IL2RB: variants seen among roughly 807,000 people sequenced by gnomAD.
The protein encoded by IL2RB is interleukin 2 receptor subunit beta.
Under a neutral mutation model 44.2 loss-of-function variants are expected in IL2RB, and 17 were observed. That is an observed-to-expected ratio of 0.38 (90% CI 0.26 to 0.58). The LOEUF (loss-of-function observed/expected upper bound fraction) is 0.58, where lower values mean the gene tolerates loss of function less well. Ranked by LOEUF, IL2RB falls within the 20% of genes least tolerant of loss-of-function variation. The probability of loss-of-function intolerance (pLI) is 0.63; values close to 1 mark genes in which losing one functional copy is unlikely to be tolerated. For synonymous variants in IL2RB, 286 were observed against 297.9 expected, an observed-to-expected ratio of 0.96 and a Z score of 0.41; for missense variants, 624 against 685.5, an observed-to-expected ratio of 0.91 and a Z score of 1.00.
chr22:37,128,311 CTGGGACTCCTGGGG>C lies in IL2RB; in HGVS notation c.1427_1440del (p.Thr476ArgfsTer10). ...GGGGGTGGCTGAAAATCCACCAGGT[CTGGGACTCCTGGGG>C]TGGGAGGCCCCAGGGGCTGGGGGTC... On this transcript the variant is annotated frameshift_variant, in exon 10 of 10. Transcript: ENST00000216223. LOFTEE classifies it low-confidence loss of function (END_TRUNC). This position sits in a 1 kb window ranked among gnomAD's most constrained non-coding sequence, Gnocchi z 4.5. The C allele has an allele frequency of 6.7e-7, 1 of 1,502,942 alleles. No individual in the cohort carries two copies. The highest frequency in any genetic ancestry group is 8.9e-7 in the Non-Finnish European group (1 of 1,126,612). 93.1% of individuals were successfully genotyped at this position (1,502,942 alleles called of 1,614,324 possible).
rs564827504 is a variant in IL2RB, at chr22:37,167,600, C to G, written c.-34+7358G>C. Among the ~76,000 whole-genome samples the G allele has an allele frequency of 1.2e-4, 18 of 152,346 alleles. No individual in the cohort carries two copies. In the East Asian group the frequency reaches 3.1e-3, roughly 26 times the overall value. On this transcript the variant is annotated intron_variant, in intron 1 of 5. Coordinates refer to the IL2RB transcript ENST00000429622. ...TGCCTCGAGCCCCTGCCCACGTTCT[C>G]TCTGCCCCAGGCCTCAGCCTGCGGT...
chr22:37,135,563 C>T, intron 7 of IL2RB, 121 bp from the exon 8 acceptor site: 1 of 642,320 alleles, frequency 1.6e-6, no homozygotes, highest in Admixed American at 2.6e-5. Flanking sequence ...GTCTGGGGGG[C>T]TGGGGACAGG....
In IL2RB at chr22:37,164,017, C is replaced by T. The variant is rs568680635; in HGVS notation, c.-34+10941G>A. Among the ~76,000 whole-genome samples, 4 of 152,358 alleles carry T rather than the reference C, an allele frequency of 2.6e-5. 1 individual carries two copies. In the South Asian group the frequency reaches 8.3e-4, roughly 32 times the overall value. On this transcript the variant is annotated intron_variant, in intron 1 of 5. Transcript: ENST00000429622. ...GCACGAAGGTGCTTTGCTGTTCCCA[C>T]ACCATTTCTGTGGGTTGCACATGGG...
At chr22:37,142,888 G>T (rs1157577238) in intron 3 of IL2RB, 3 of 368,674 alleles carry the variant, frequency 8.1e-6, no homozygotes, top group Non-Finnish European at 5.2e-6. Flanking sequence ...CCAGAAGCCA[G>T]GGCCCGAACC....
In IL2RB at chr22:37,128,341, G is replaced by C; in HGVS notation, c.1411C>G (p.Pro471Ala). ...ERVPRDWDPQ[P>A]LGPPTPGVPD... The stretch of plus-strand genomic sequence containing the variant: ...ACTCCTGGGGTGGGAGGCCCCAGGG[G>C]CTGGGGGTCCCAGTCTCTGGGGACT... Residue 471 changes from proline to alanine, a missense_variant, in exon 10 of 10, where the codon CCC becomes GCC. By Grantham distance (27) the Pro-to-Ala change is conservative. This residue lies in a region of IL2RB where 291 missense variants were observed against 275.5 expected (regional missense o/e 1.06). Coordinates refer to ENST00000216223, the MANE Select transcript of IL2RB (RefSeq NM_000878.5). This position sits in a 1 kb window ranked among gnomAD's most constrained non-coding sequence, Gnocchi z 4.5. 1 of 1,504,306 alleles carries C rather than the reference G, an allele frequency of 6.6e-7. No individual in the cohort carries two copies. Among genetic ancestry groups the C allele is most frequent in the South Asian group, 1.4e-5 (1 of 72,990 alleles). 93.2% of individuals were successfully genotyped at this position (1,504,306 alleles called of 1,614,324 possible).
intron 6 of IL2RB, 40 bp from the exon 7 acceptor site, chr22:37,136,433 C>T: frequency 2.5e-6 from 4 of 1,574,620 alleles, no homozygotes; most frequent in Non-Finnish European, 3.4e-6. Flanking sequence ...ACCTCACCTC[C>T]CATGGCAGGG....
At chr22:37,173,060 G>A (rs1392478464) in intron 1 of IL2RB, among the ~76,000 whole-genome samples, 1 of 152,150 alleles carries the variant, frequency 6.6e-6, no homozygotes, top group Admixed American at 6.5e-5. Context: ...GCAAAACCTG[G>A]CTCCTTCCGG....
At chr22:37,161,208 A>C (rs2145736625) in intron 1 of IL2RB, among the ~76,000 whole-genome samples, 1 of 152,182 alleles carries the variant, frequency 6.6e-6, no homozygotes, top group East Asian at 1.9e-4. Flanking sequence ...TCTAACTTAA[A>C]CATGCAACAA....
intron 1 of IL2RB, among the ~76,000 whole-genome samples, chr22:37,170,177 G>A (rs1472517739): frequency 6.6e-6 from 1 of 152,068 alleles, no homozygotes; most frequent in African/African-American, 2.4e-5. Context: ...GGATGTGGAT[G>A]GACAGAATAA....
chr22:37,128,497 A>C lies in IL2RB; in HGVS notation c.1255T>G (p.Cys419Gly). 1 of 1,607,926 alleles carries C rather than the reference A, an allele frequency of 6.2e-7. No homozygotes were observed. Among genetic ancestry groups the C allele is most frequent in the Non-Finnish European group, 8.5e-7 (1 of 1,175,786 alleles). ...AGGTCATCCCTGGAGGGGAAGGTGC[A>C]GTAGGCGTCGTCCTCCCCTGACAGA... ...QPLSGEDDAY[C>G]TFPSRDDLLL... is the part of the protein sequence containing the mutation. Residue 419 changes from cysteine to glycine, a missense_variant, in exon 10 of 10, where the codon TGC (cysteine) becomes GGC (glycine). Physicochemically the swap from Cys to Gly is radical, Grantham distance 159. Around this residue, in one of 3 missense-constraint regions of IL2RB, gnomAD observed 291 missense variants for 275.5 expected, o/e 1.06. Coordinates refer to ENST00000216223, the MANE Select transcript of IL2RB (RefSeq NM_000878.5). This position sits in a 1 kb window ranked among gnomAD's most constrained non-coding sequence, Gnocchi z 4.5.
At chr22:37,162,760 GCCAGGGGTA>G (rs1922925204) in intron 1 of IL2RB, among the ~76,000 whole-genome samples, 1 of 151,960 alleles carries the variant, frequency 6.6e-6, no homozygotes, top group Non-Finnish European at 1.5e-5. Flanking sequence ...CCTACCACAT[GCCAGGGGTA>G]CTGGGGAAGA....
upstream of IL2RB, among the ~76,000 whole-genome samples, chr22:37,153,478 C>G (rs1255614580): frequency 6.6e-6 from 1 of 152,170 alleles, no homozygotes; most frequent in Admixed American, 6.5e-5. Flanking sequence ...GAGAACTGGA[C>G]AAGAAGGTGT....
intron 1 of IL2RB, among the ~76,000 whole-genome samples, chr22:37,169,815 C>G (rs1923213556): frequency 6.6e-6 from 1 of 152,214 alleles, no homozygotes; most frequent in Non-Finnish European, 1.5e-5. Context: ...CTGCCAGAGG[C>G]CTTCCTTCTC....
chr22:37,128,076 C>A lies in IL2RB; in HGVS notation c.*20G>T. On this transcript the variant is annotated 3_prime_UTR_variant, in exon 10 of 10. Coordinates refer to ENST00000216223, the MANE Select transcript of IL2RB (RefSeq NM_000878.5). This position sits in a 1 kb window ranked among gnomAD's most constrained non-coding sequence, Gnocchi z 4.5. ...CGGCGCAGAGCAGGCAGCTGCCTGC[C>A]TCCCACCCTGGCCATCTGTCTACAC... 1.3e-6 allele frequency: 2 copies of A among 1,505,076 alleles called. No homozygotes were observed. Among genetic ancestry groups the A allele is most frequent in the African/African-American group, 1.4e-5 (1 of 69,890 alleles). 93.2% of individuals were successfully genotyped at this position (1,505,076 alleles called of 1,614,324 possible). A position where few individuals can be genotyped will look rare whatever the true frequency, so the allele number is the denominator to read the frequency against.
At chr22:37,159,383 G>A (rs1158079599) in intron 1 of IL2RB, among the ~76,000 whole-genome samples, 2 of 152,264 alleles carry the variant, frequency 1.3e-5, no homozygotes, top group East Asian at 3.9e-4. Flanking sequence ...ACTCAAGAGT[G>A]ACGATGCCCT....
intron 9 of IL2RB, among the ~76,000 whole-genome samples, chr22:37,129,760 G>C (rs981634617): frequency 1.3e-5 from 2 of 152,258 alleles, no homozygotes; most frequent in African/African-American, 4.8e-5. Context: ...GCACAGCAGA[G>C]TGGGGGACAG....
At chr22:37,137,839 C>G (rs755194037) in intron 5 of IL2RB, 104 bp from the exon 6 acceptor site, 152 of 1,036,910 alleles carry the variant, frequency 1.5e-4, no homozygotes, top group Non-Finnish European at 2.1e-4. Flanking sequence ...CCTCCCCTAC[C>G]CCCCGACCCA....
In IL2RB at chr22:37,135,356, G is replaced by C; in HGVS notation, c.790C>G (p.Leu264Val). 1 of 1,613,834 alleles carries C rather than the reference G, an allele frequency of 6.2e-7. No homozygotes were observed. The highest frequency in any genetic ancestry group is 8.5e-7 in the Non-Finnish European group (1 of 1,179,760). ...AFGFIILVYL[L>V]INCRNTGPWL... is the part of the protein sequence containing the mutation. ...GGCCCGGTGTTCCTGCAGTTGATCAGCAAGTACACTAAGATGATGAAGCCA... is the reference window on the plus strand; with the variant it reads ...GGCCCGGTGTTCCTGCAGTTGATCACCAAGTACACTAAGATGATGAAGCCA... The change falls in exon 8 of 10, where the codon CTG becomes GTG. Residue 264 changes from leucine (L) to valine (V), a missense_variant. Coordinates refer to ENST00000216223, the MANE Select transcript of IL2RB (RefSeq NM_000878.5).
At chr22:37,142,377 G>GC in intron 4 of IL2RB, 57 bp downstream of exon 4, 1 of 1,514,708 alleles carries the variant, frequency 6.6e-7, no homozygotes, top group African/African-American at 1.4e-5. Flanking sequence ...TGAGATCGCA[G>GC]CCCGGAGCTG....
Sources: gnomAD v4.1 joint callset for allele counts (sites outside exome capture counted in the v4.1 genomes callset) on GRCh38, gnomAD v4.1.1 for gene constraint, gnomAD v4.1.1 regional missense constraint, Gnocchi (gnomAD v3.1) non-coding constraint, MANE v1.5 for transcripts, NCBI Gene and HGNC (gene_info 2026-07-23, HGNC 2026-07-21) for gene names.